Variants in ZIC4 observed in about 807,000 individuals in gnomAD.
The protein encoded by ZIC4 is Zic family zinc finger 4.
In ZIC4, 15 loss-of-function variants were observed where a neutral mutation model predicts 28.8. The observed-to-expected ratio is 0.52, with a 90% confidence interval of 0.35 to 0.80. The LOEUF (loss-of-function observed/expected upper bound fraction) is 0.80. Ranked by LOEUF, ZIC4 falls within the 30% of genes least tolerant of loss-of-function variation. ZIC4 has a pLI of 0.01. For missense variants in ZIC4, 512 were observed against 467.1 expected, an observed-to-expected ratio of 1.10 and a Z score of -0.89; for synonymous variants, 220 against 198.1, an observed-to-expected ratio of 1.11 and a Z score of -0.93.
chr3:147,404,209 G>A (rs1359943260), intron 1 of ZIC4: 27 of 1,471,478 alleles, frequency 1.8e-5, no homozygotes, highest in Admixed American at 4.6e-5. Context: ...GGAAATGGGT[G>A]TGAGGTTCCC....
rs2086911404 is a variant in ZIC4, at chr3:147,391,246, C to T, written c.689G>A (p.Gly230Asp). Reference sequence around the variant, plus strand: ...GAACTCGCATCTGAAGGGCTTCTCGCCTGGCGGAGGCAACGCAGAGACATT... The same window carrying T: ...GAACTCGCATCTGAAGGGCTTCTCGTCTGGCGGAGGCAACGCAGAGACATT... ...NLKIHKRTHT[G>D]EKPFRCEFEG... is the part of the protein sequence containing the mutation. Residue 230 changes from glycine to aspartate, a missense_variant and splice_region_variant, in exon 4 of 5, where the codon GGC becomes GAC. Gly to Asp is a moderately conservative substitution (Grantham distance 94, BLOSUM62 -1). Around this residue, in one of 3 missense-constraint regions of ZIC4, gnomAD observed 58 missense variants for 93.8 expected, o/e 0.62. Coordinates refer to ENST00000383075, the MANE Select transcript of ZIC4 (RefSeq NM_032153.6). The T allele has an allele frequency of 1.3e-6, 2 of 1,578,594 alleles. No homozygotes were observed. The highest frequency in any genetic ancestry group is 1.7e-6 in the Non-Finnish European group (2 of 1,156,442).
At chr3:147,392,514 T>C (rs1410185220) in intron 3 of ZIC4, 1 of 905,366 alleles carries the variant, frequency 1.1e-6, no homozygotes, top group Non-Finnish European at 1.3e-6. Context: ...GCTGCGGAAA[T>C]GGGGGAAGAA....
In ZIC4 at chr3:147,402,831, G is replaced by C. The variant is rs1365751562; in HGVS notation, c.-15-19C>G. On this transcript the variant is annotated intron_variant, in intron 1 of 4. Coordinates refer to ENST00000383075, the MANE Select transcript of ZIC4 (RefSeq NM_032153.6). ...TTTGAGCCTGTTTGGGAAGAAAAGA[G>C]TGACAGTCACTAGTTAAACAATTTT... is the stretch of plus-strand genomic sequence containing the variant. 7 of 1,609,066 alleles carry C rather than the reference G, an allele frequency of 4.4e-6. No homozygotes were observed. The highest frequency in any genetic ancestry group is 5.1e-6 in the Non-Finnish European group (6 of 1,176,302).
At chr3:147,399,473 A>C (rs10804719) in intron 2 of ZIC4, among the ~76,000 whole-genome samples, 5 of 152,060 alleles carry the variant, frequency 3.3e-5, no homozygotes, top group Non-Finnish European at 7.4e-5. Flanking sequence ...AGTTGTTTTT[A>C]CTATCCGCAT....
chr3:147,395,634 C>CA (rs377089288), intron 3 of ZIC4, among the ~76,000 whole-genome samples: 17 of 152,284 alleles, frequency 1.1e-4, no homozygotes, highest in African/African-American at 4.1e-4. Context: ...CTTGTCCCCC[C>CA]CAGAACAGAA....
Position 147,402,752 on chromosome 3 carries a change from A to G in ZIC4, c.46T>C (p.Tyr16His), listed in dbSNP as rs1418584442. ...CTTGACTCTTTAAGAGTGTTTCGGT[A>G]AAGCCGTAATCGTTTCCTCATCACC... ...SLVMRKRLRL[Y>H]RNTLKESSSS... Residue 16 changes from tyrosine (Y) to histidine (H), a missense_variant, in exon 2 of 5, where the codon TAC becomes CAC. Tyr to His is a moderately conservative substitution (Grantham distance 83, BLOSUM62 2). This residue lies in a region of ZIC4 where 310 missense variants were observed against 256.5 expected (regional missense o/e 1.21). Transcript: ENST00000383075. The G allele has an allele frequency of 6.2e-7, 1 of 1,613,684 alleles. No individual in the cohort carries two copies. The highest frequency in any genetic ancestry group is 8.5e-7 in the Non-Finnish European group (1 of 1,179,904).
intron 1 of ZIC4, chr3:147,404,003 C>A (rs1471319651): frequency 6.5e-7 from 1 of 1,536,998 alleles, no homozygotes; most frequent in Non-Finnish European, 8.7e-7. Flanking sequence ...TTCTTTCTAA[C>A]CAAAAGGCAT....
intron 2 of ZIC4, among the ~76,000 whole-genome samples, chr3:147,400,186 A>T (rs2087136354): frequency 6.6e-6 from 1 of 152,110 alleles, no homozygotes. Flanking sequence ...ATAAAGAGGC[A>T]TTTTTTTCTC....
At position 147,396,055 on chromosome 3, in the gene ZIC4, T is replaced by G; in HGVS notation, c.485A>C (p.His162Pro). Residue 162 changes from histidine to proline, a missense_variant, in exon 3 of 5, where the codon CAC (histidine) becomes CCC (proline). Around this residue, in one of 3 missense-constraint regions of ZIC4, gnomAD observed 310 missense variants for 256.5 expected, o/e 1.21. Coordinates refer to ENST00000383075, the MANE Select transcript of ZIC4 (RefSeq NM_032153.6). The surrounding 1 kb of genome is among the most constrained non-coding windows in gnomAD (Gnocchi z 4.2). Reference protein sequence around the residue: ...HELVTHVTVEHVGGPEQANHI... With the variant: ...HELVTHVTVEPVGGPEQANHI... ...GTTGGCCTGTTCCGGGCCGCCGACG[T>G]GCTCCACGGTGACGTGCGTGACCAG... 6.2e-7 allele frequency: 1 copy of G among 1,614,250 alleles called. No homozygotes were observed. Among genetic ancestry groups the G allele is most frequent in the Non-Finnish European group, 8.5e-7 (1 of 1,180,052 alleles).
intron 3 of ZIC4, chr3:147,392,739 G>C (rs1269213873): frequency 6.6e-6 from 1 of 152,296 alleles, no homozygotes; most frequent in Non-Finnish European, 1.5e-5. Context: ...CGGACAGAGA[G>C]GTTTGCGCAC....
intron 3 of ZIC4, chr3:147,393,848 C>A (rs759001630): frequency 6.6e-6 from 3 of 456,192 alleles, no homozygotes; most frequent in South Asian, 3.1e-5. Flanking sequence ...GCGCCTCCCT[C>A]CCCGAGGCAC....
At chr3:147,404,062 G>A in intron 1 of ZIC4, 1 of 1,537,030 alleles carries the variant, frequency 6.5e-7, no homozygotes, top group Non-Finnish European at 8.7e-7. Flanking sequence ...AGGAAAGAAA[G>A]GAGGCCTAAC....
chr3:147,389,960 C>T (rs2107962648), intron 4 of ZIC4, among the ~76,000 whole-genome samples: 1 of 152,306 alleles, frequency 6.6e-6, no homozygotes, highest in Non-Finnish European at 1.5e-5. Flanking sequence ...ACTACACAGG[C>T]AACGCCTCTA....
Position 147,388,625 on chromosome 3 carries a change from G to C in ZIC4, c.*234C>G. ...TATACTTGTATACACAAGAAAAAAGGTCTGTTAGACGTAAATATTATGTCC... is the reference window on the plus strand; with the variant it reads ...TATACTTGTATACACAAGAAAAAAGCTCTGTTAGACGTAAATATTATGTCC... On this transcript the variant is annotated 3_prime_UTR_variant, in exon 5 of 5. Coordinates refer to ENST00000383075, the MANE Select transcript of ZIC4 (RefSeq NM_032153.6). The C allele has an allele frequency of 2.0e-6, 1 of 506,978 alleles. No homozygotes were observed. The allele number at this position is 506,978 out of a possible 1,614,324, so 31.4% of individuals were successfully genotyped here. A position where few individuals can be genotyped will look rare whatever the true frequency, so the allele number is the denominator to read the frequency against.
intron 3 of ZIC4, chr3:147,393,733 C>T (rs1470719568): frequency 1.1e-5 from 4 of 357,086 alleles, no homozygotes; most frequent in African/African-American, 2.2e-5. Context: ...AGCACTGACT[C>T]GCCCTCAGAC....
chr3:147,391,422 C>T (rs1452469377), intron 3 of ZIC4, 176 bp from the exon 4 acceptor site: 3 of 759,952 alleles, frequency 3.9e-6, no homozygotes, highest in African/African-American at 3.6e-5. Flanking sequence ...AGAGCGCCCC[C>T]GGTGCCCTCT....
chr3:147,403,952 G>A (rs1268921260), intron 1 of ZIC4: 2 of 1,536,266 alleles, frequency 1.3e-6, no homozygotes, highest in Non-Finnish European at 1.7e-6. Flanking sequence ...GGAGGCAGGG[G>A]GGTAGACTCA....
At chr3:147,397,684 C>T (rs941052380) in intron 2 of ZIC4, among the ~76,000 whole-genome samples, 4 of 152,166 alleles carry the variant, frequency 2.6e-5, no homozygotes, top group African/African-American at 4.8e-5. Context: ...TTTGTCCCTG[C>T]AGCCTGCAAG....
chr3:147,403,755 A>G, intron 1 of ZIC4: 1 of 481,554 alleles, frequency 2.1e-6, no homozygotes, highest in Non-Finnish European at 3.6e-6. Flanking sequence ...CCCACAGAAC[A>G]AGCAGTTGTT....
Sources: gnomAD v4.1 joint callset for allele counts (sites outside exome capture counted in the v4.1 genomes callset) on GRCh38, gnomAD v4.1.1 for gene constraint, gnomAD v4.1.1 regional missense constraint, Gnocchi (gnomAD v3.1) non-coding constraint, MANE v1.5 for transcripts, NCBI Gene and HGNC (gene_info 2026-07-23, HGNC 2026-07-21) for gene names.